The following WRN variants were observed in gnomAD, a reference collection of about 807,000 sequenced individuals.
WRN encodes the protein WRN RecQ like helicase.
A neutral mutation model predicts 180.7 loss-of-function variants in WRN; 149 were observed. That is an observed-to-expected ratio of 0.82 (90% confidence interval 0.72 to 0.94). The LOEUF is 0.94. Ranked by LOEUF, WRN falls within the 40% of genes least tolerant of loss-of-function variation. The pLI, the probability that WRN is intolerant of heterozygous loss-of-function variation, is 0.00. For missense variants in WRN, 1,661 were observed against 1,700.1 expected (o/e 0.98, Z 0.40); for synonymous variants, 548 against 568.9 (o/e 0.96, Z 0.52).
At chr8:31,143,052 C>CACACACACACAT (rs1272452345) in intron 27 of WRN, among the ~76,000 whole-genome samples, 166 of 65,442 alleles carry the variant, frequency 2.5e-3, no homozygotes, top group Middle Eastern at 6.7e-3. Flanking sequence ...CACACACACA[C>CACACACACACAT]ACATTCTCTC....
intron 21 of WRN, among the ~76,000 whole-genome samples, chr8:31,122,021 T>C (rs1303416514): frequency 6.6e-6 from 1 of 151,982 alleles, no homozygotes; most frequent in African/African-American, 2.4e-5. Flanking sequence ...GACATTAATA[T>C]CCAGTTTTAT....
Position 31,116,404 on chromosome 8 carries a change from A to G in WRN, c.2324A>G (p.Lys775Arg). ...ACAATCATCTACTGTCCTTCTAGAA[A>G]AATGACACAACAAGTTACAGGTGAA... ...GPTIIYCPSR[K>R]MTQQVTGELR... The change falls in exon 20 of 35, where the codon AAA becomes AGA. Residue 775 changes from lysine to arginine, a missense_variant. Around this residue, in one of 3 missense-constraint regions of WRN, gnomAD observed 1,141 missense variants for 1,149.4 expected, o/e 0.99. Coordinates refer to ENST00000298139, the MANE Select transcript of WRN (RefSeq NM_000553.6). 1 of 1,614,058 alleles carries G rather than the reference A, an allele frequency of 6.2e-7. No individual in the cohort carries two copies. Among genetic ancestry groups the G allele is most frequent in the Non-Finnish European group, 8.5e-7 (1 of 1,179,944 alleles).
intron 19 of WRN, 39 bp from the exon 20 acceptor site, chr8:31,116,315 A>T (rs764041651): frequency 8.7e-6 from 14 of 1,605,924 alleles, no homozygotes; most frequent in Non-Finnish European, 1.2e-5. Context: ...GCATGTATAA[A>T]GTATATATGT....
intron 34 of WRN, 126 bp downstream of exon 34, chr8:31,167,356 A>G (rs1440757457): frequency 2.5e-6 from 2 of 811,584 alleles, no homozygotes; most frequent in African/African-American, 1.7e-5. Context: ...TATGTGCTAC[A>G]TTTCCTTTGC....
intron 29 of WRN, 46 bp downstream of exon 29, chr8:31,147,174 TG>T: frequency 6.4e-7 from 1 of 1,569,282 alleles, no homozygotes; most frequent in Non-Finnish European, 8.8e-7. Flanking sequence ...AGGATAGTTA[TG>T]ATTCTATGTA....
intron 20 of WRN, 37 bp downstream of exon 20, chr8:31,116,565 T>G: frequency 6.2e-7 from 1 of 1,610,866 alleles, no homozygotes; most frequent in Non-Finnish European, 8.5e-7. Context: ...CCGTTGCTCA[T>G]AGTGGAAGTG....
intron 34 of WRN, chr8:31,171,471 C>G (rs576584114): frequency 1.3e-5 from 2 of 152,308 alleles, no homozygotes; most frequent in Non-Finnish European, 2.9e-5. Context: ...AATGCCTTTT[C>G]TGTATGCCAC....
intron 12 of WRN, 53 bp from the exon 13 acceptor site, chr8:31,088,837 C>G: frequency 1.4e-6 from 2 of 1,433,728 alleles, no homozygotes; most frequent in Non-Finnish European, 1.9e-6. Context: ...TTTTCTCCCT[C>G]TATGTGGTGT....
Position 31,142,686 on chromosome 8 carries a change from A to T in WRN, c.3294A>T (p.Leu1098Phe), listed in dbSNP as rs1802693310. 1.2e-6 allele frequency: 2 copies of T among 1,603,774 alleles called. No homozygotes were observed. The highest frequency in any genetic ancestry group is 1.7e-6 in the Non-Finnish European group (2 of 1,174,894). Reference sequence around the variant, plus strand: ...GTTATAATCAAGTACCAGTTGAATTAAGTACAGAGAAGAAGGTTTGTTTTA... The same window carrying T: ...GTTATAATCAAGTACCAGTTGAATTTAGTACAGAGAAGAAGGTTTGTTTTA... The part of the protein sequence containing the change: ...EHCYNQVPVE[L>F]STEKKSNLEK... The change falls in exon 27 of 35, where the codon TTA becomes TTT. Residue 1098 changes from leucine (L) to phenylalanine (F), a missense_variant. Physicochemically the swap from Leu to Phe is conservative, Grantham distance 22 (BLOSUM62 0). Around this residue, in one of 3 missense-constraint regions of WRN, gnomAD observed 1,141 missense variants for 1,149.4 expected, o/e 0.99. Transcript: ENST00000298139.
At chr8:31,091,524 C>G (rs1056671739) in intron 15 of WRN, among the ~76,000 whole-genome samples, 1 of 151,648 alleles carries the variant, frequency 6.6e-6, no homozygotes, top group South Asian at 2.1e-4. Flanking sequence ...CTATAGTTAC[C>G]CTACTGTTGG....
At chr8:31,166,958 T>C in intron 33 of WRN, 64 bp from the exon 34 acceptor site, 2 of 1,468,314 alleles carry the variant, frequency 1.4e-6, no homozygotes, top group Non-Finnish European at 1.9e-6. Context: ...TATTTCTAGC[T>C]CATAGGTTTT....
chr8:31,163,854 CTT>C (rs34612730), intron 33 of WRN, among the ~76,000 whole-genome samples: 158 of 141,766 alleles, frequency 1.1e-3, no homozygotes, highest in Middle Eastern at 3.6e-3. Flanking sequence ...ACCATGAGCT[CTT>C]TTTTTTTTTT....
chr8:31,101,349 G>A (rs1477535), intron 18 of WRN, among the ~76,000 whole-genome samples: 43,439 of 151,946 alleles, frequency 0.29, 6,480 homozygotes, highest in South Asian at 0.33. Context: ...TCTTTCATCC[G>A]TATGTCCTTT....
chr8:31,137,962 G>A (rs759882358), intron 24 of WRN, among the ~76,000 whole-genome samples: 2 of 152,070 alleles, frequency 1.3e-5, no homozygotes, highest in Non-Finnish European at 2.9e-5. Context: ...ATATTAGCGG[G>A]CATGGTGGAA....
intron 27 of WRN, among the ~76,000 whole-genome samples, chr8:31,143,173 A>T (rs1245028054): frequency 3.3e-5 from 5 of 152,136 alleles, no homozygotes; most frequent in Non-Finnish European, 7.4e-5. Context: ...CCACTGGCAG[A>T]CTTCAGCTAA....
At chr8:31,147,578 T>C (rs1000398652) in intron 30 of WRN, 102 bp downstream of exon 30, 2 of 1,103,046 alleles carry the variant, frequency 1.8e-6, no homozygotes, top group Non-Finnish European at 2.7e-6. Flanking sequence ...CACTGTCACA[T>C]CTGGGAGGTG....
chr8:31,141,417 T>C lies in WRN; in HGVS notation c.2968-13T>C, dbSNP rs534560813. 2.8e-5 allele frequency: 45 copies of C among 1,614,008 alleles called. No individual in the cohort carries two copies. In the African/African-American group the frequency reaches 5.5e-4, roughly 20 times the overall value. ...TTAGCATTTTTAGATACTGATTTTATTCCTAATTTCAGAATTCTCAGCGTC... is the reference window on the plus strand; with the variant it reads ...TTAGCATTTTTAGATACTGATTTTACTCCTAATTTCAGAATTCTCAGCGTC... On this transcript the variant is annotated splice_polypyrimidine_tract_variant and intron_variant, in intron 24 of 34. Transcript: ENST00000298139.
intron 21 of WRN, 86 bp downstream of exon 21, chr8:31,120,510 T>G: frequency 7.6e-7 from 1 of 1,314,578 alleles, no homozygotes; most frequent in Non-Finnish European, 1.0e-6. Flanking sequence ...CTATTTCCAG[T>G]ATCCCAAGTA....
rs1268227280 is a variant in WRN at position 31,154,702 on chromosome 8, TCA to T, written c.3769_3770del (p.Gln1257ValfsTer21). On this transcript the variant is annotated frameshift_variant, in exon 32 of 35. Coordinates refer to ENST00000298139, the MANE Select transcript of WRN (RefSeq NM_000553.6). LOFTEE classifies it high-confidence loss of function. ...LVAKNKICTL[S>X]QSMAITYSLF... ...AGCAAAAAATAAAATATGCACACTT[TCA>T]CAGTCTATGGCCATCACATACTCTT... The T allele has an allele frequency of 6.2e-7, 1 of 1,613,532 alleles. No individual in the cohort carries two copies. The highest frequency in any genetic ancestry group is 1.3e-5 in the African/African-American group (1 of 74,914).
Sources: gnomAD v4.1 joint callset for allele counts (sites outside exome capture counted in the v4.1 genomes callset) on GRCh38, gnomAD v4.1.1 for gene constraint, gnomAD v4.1.1 regional missense constraint, MANE v1.5 for transcripts, NCBI Gene and HGNC (gene_info 2026-07-23, HGNC 2026-07-21) for gene names.